The following WRN variants were observed in gnomAD, a reference collection of about 807,000 sequenced individuals.
WRN encodes WRN RecQ like helicase.
WRN carries 149 observed loss-of-function variants against 180.7 expected under a neutral mutation model. The ratio of observed to expected loss-of-function variants is 0.82; its 90% CI spans 0.72 to 0.94. The LOEUF (loss-of-function observed/expected upper bound fraction) is 0.94. Among genes scored for constraint, WRN ranks in the 40% least tolerant of loss-of-function variants. The pLI, the probability that WRN is intolerant of heterozygous loss-of-function variation, is 0.00. For missense variants in WRN, 1,661 were observed against 1,700.1 expected (o/e 0.98, Z 0.40); for synonymous variants, 548 against 568.9 (o/e 0.96, Z 0.52).
chr8:31,167,291 A>C (rs1453731534), intron 34 of WRN, 61 bp downstream of exon 34: 5 of 1,370,680 alleles, frequency 3.6e-6, no homozygotes, highest in East Asian at 2.5e-5. Context: ...ATATCCTAGT[A>C]CTAGAATGCT....
chr8:31,072,408 A>G (rs1213018306), intron 7 of WRN, among the ~76,000 whole-genome samples: 2 of 152,226 alleles, frequency 1.3e-5, no homozygotes, highest in Non-Finnish European at 2.9e-5. Flanking sequence ...AGAAGAGTCC[A>G]CGGGCTTTGG....
intron 13 of WRN, among the ~76,000 whole-genome samples, chr8:31,089,171 G>T (rs1376104414): frequency 6.6e-6 from 1 of 151,968 alleles, no homozygotes; most frequent in Non-Finnish European, 1.5e-5. Context: ...TATAAGTGAG[G>T]AAAAATGGTT....
intron 17 of WRN, among the ~76,000 whole-genome samples, 184 bp from the exon 18 acceptor site, chr8:31,100,665 A>G (rs1246807360): frequency 6.6e-6 from 1 of 152,184 alleles, no homozygotes; most frequent in East Asian, 1.9e-4. Context: ...TTTTATTCAT[A>G]TATCTCCCCT....
intron 19 of WRN, among the ~76,000 whole-genome samples, chr8:31,113,201 G>C (rs1474568002): frequency 1.8e-5 from 2 of 109,920 alleles, no homozygotes; most frequent in Non-Finnish European, 3.9e-5. Flanking sequence ...GCAAGGCCCC[G>C]TTTCAAAAAA....
intron 1 of WRN, among the ~76,000 whole-genome samples, chr8:31,053,822 A>G (rs1025499014): frequency 1.3e-5 from 2 of 152,242 alleles, no homozygotes; most frequent in African/African-American, 4.8e-5. Flanking sequence ...GTACTAGTAG[A>G]GGAAAGTCAG....
chr8:31,077,478 G>A (rs1428652390), intron 8 of WRN, among the ~76,000 whole-genome samples: 3 of 151,984 alleles, frequency 2.0e-5, no homozygotes, highest in Admixed American at 6.6e-5. Context: ...TCCGGACCTC[G>A]TGATCTGCCC....
intron 18 of WRN, among the ~76,000 whole-genome samples, chr8:31,104,857 A>G (rs1801032461): frequency 6.6e-6 from 1 of 152,140 alleles, no homozygotes; most frequent in Non-Finnish European, 1.5e-5. Flanking sequence ...TTAATTTTGA[A>G]CGAATAAAGT....
At chr8:31,115,094 C>T (rs1801464766) in intron 19 of WRN, among the ~76,000 whole-genome samples, 1 of 152,098 alleles carries the variant, frequency 6.6e-6, no homozygotes, top group Non-Finnish European at 1.5e-5. Flanking sequence ...CGGGGTTTCA[C>T]CTTGTTGGCC....
intron 16 of WRN, 140 bp from the exon 17 acceptor site, chr8:31,096,628 T>G: frequency 2.9e-6 from 2 of 696,612 alleles, no homozygotes; most frequent in Non-Finnish European, 4.8e-6. Context: ...TAGATTTTCG[T>G]GACATAAAGT....
At chr8:31,052,370 G>A (rs1033131316) in intron 1 of WRN, among the ~76,000 whole-genome samples, 1 of 150,218 alleles carries the variant, frequency 6.7e-6, no homozygotes, top group African/African-American at 2.4e-5. Flanking sequence ...ACACACACGC[G>A]TATTTATTTT....
chr8:31,059,265 G>A lies in WRN; in HGVS notation c.209G>A (p.Ser70Asn). 6.2e-7 allele frequency: 1 copy of A among 1,609,616 alleles called. No individual in the cohort carries two copies. The change falls in exon 3 of 35, where the codon AGC (serine) becomes AAC (asparagine). Residue 70 changes from serine to asparagine, a missense_variant and splice_region_variant. Physicochemically the swap from Ser to Asn is conservative, Grantham distance 46. This residue lies in a region of WRN where 500 missense variants were observed against 504.1 expected (regional missense o/e 0.99). Coordinates refer to ENST00000298139, the MANE Select transcript of WRN (RefSeq NM_000553.6). Reference sequence around the variant, plus strand: ...TGCTCTTTCCTGTCAGAAGATATTAGGTAAGTGATTTGAATTTCCTGATTT... The same window carrying A: ...TGCTCTTTCCTGTCAGAAGATATTAAGTAAGTGATTTGAATTTCCTGATTT... ...SDCSFLSEDI[S>N]MSLSDGDVVG...
intron 34 of WRN, among the ~76,000 whole-genome samples, chr8:31,170,407 T>G (rs1804058681): frequency 6.6e-6 from 1 of 152,164 alleles, no homozygotes; most frequent in South Asian, 2.1e-4. Context: ...CACAATATTT[T>G]ATACAAATTG....
intron 26 of WRN, 68 bp downstream of exon 26, chr8:31,141,843 A>G (rs2130418275): frequency 1.4e-6 from 2 of 1,452,746 alleles, no homozygotes; most frequent in African/African-American, 1.4e-5. Context: ...TTCAAATTAT[A>G]CCAGTTTATA....
intron 3 of WRN, among the ~76,000 whole-genome samples, chr8:31,062,815 C>A (rs1241669739): frequency 6.6e-6 from 1 of 152,074 alleles, no homozygotes; most frequent in African/African-American, 2.4e-5. Flanking sequence ...GAGATAACTT[C>A]TATGAGTTTT....
intron 1 of WRN, among the ~76,000 whole-genome samples, chr8:31,044,232 G>T (rs559578799): frequency 6.6e-6 from 1 of 151,636 alleles, no homozygotes; most frequent in African/African-American, 2.4e-5. Flanking sequence ...TAGTAGAGAC[G>T]GGGTTTCACC....
chr8:31,048,126 A>G (rs1811937424), intron 1 of WRN, among the ~76,000 whole-genome samples: 2 of 152,338 alleles, frequency 1.3e-5, no homozygotes, highest in Middle Eastern at 3.4e-3. Flanking sequence ...TTAGATACCT[A>G]TAAAGAAACA....
intron 20 of WRN, among the ~76,000 whole-genome samples, chr8:31,118,134 T>C (rs1801587301): frequency 6.6e-6 from 1 of 152,142 alleles, no homozygotes; most frequent in Non-Finnish European, 1.5e-5. Flanking sequence ...TGGATGCGCC[T>C]GATTTTCCTG....
intron 7 of WRN, among the ~76,000 whole-genome samples, chr8:31,070,048 T>C (rs1006650737): frequency 6.6e-6 from 1 of 152,038 alleles, no homozygotes; most frequent in African/African-American, 2.4e-5. Context: ...TCACTTTTTT[T>C]CCCCTTTATT....
At chr8:31,170,591 T>C (rs1214908878) in intron 34 of WRN, among the ~76,000 whole-genome samples, 1 of 152,224 alleles carries the variant, frequency 6.6e-6, no homozygotes, top group African/African-American at 2.4e-5. Flanking sequence ...TACATCCGTA[T>C]GTACACATAT....
Sources: allele counts gnomAD v4.1 joint callset (sites outside exome capture counted in the v4.1 genomes callset), GRCh38; gene constraint gnomAD v4.1.1; regional missense constraint gnomAD v4.1.1; transcripts MANE v1.5; gene names NCBI Gene and HGNC (gene_info 2026-07-23, HGNC 2026-07-21).